CCDC63: variants seen among roughly 807,000 people sequenced by gnomAD.
The protein encoded by CCDC63 is coiled-coil domain containing 63, also known as coiled-coil domain-containing protein 63.
CCDC63 carries 54 observed loss-of-function variants against 63.6 expected under a neutral mutation model. That is an observed-to-expected ratio of 0.85 (90% CI 0.68 to 1.07). The LOEUF (loss-of-function observed/expected upper bound fraction) is 1.07, where lower values mean the gene tolerates loss of function less well. Among genes scored for constraint, CCDC63 ranks in the 50% least tolerant of loss-of-function variants. The pLI is 0.00. For missense variants in CCDC63, 637 were observed against 689.6 expected (o/e 0.92, Z 0.86); for synonymous variants, 253 against 266.1 (o/e 0.95, Z 0.48).
chr12:110,893,135 C>A lies in CCDC63; in HGVS notation c.1134C>A (p.Val378=), dbSNP rs1195273253. Residue 378 remains valine (V), a synonymous_variant, in exon 9 of 12, where the codon GTC becomes GTA. Transcript: ENST00000308208. ...QKLSHDDNHS[V]LRQLEDKLRK... is the part of the protein sequence containing the mutation. ...TGTCCCACGATGACAACCACTCTGT[C>A]CTGAGACAGCTGGAGGTGAGAACAG... The A allele has an allele frequency of 1.9e-6, 3 of 1,613,822 alleles. No homozygotes were observed. In the East Asian group the frequency reaches 6.7e-5, roughly 36 times the overall value.
chr12:110,901,307 T>C (rs2071484395), intron 10 of CCDC63, among the ~76,000 whole-genome samples: 2 of 152,248 alleles, frequency 1.3e-5, no homozygotes, highest in South Asian at 2.1e-4. Flanking sequence ...TTTTAGTTAT[T>C]TTAAAATGTA....
intron 5 of CCDC63, among the ~76,000 whole-genome samples, chr12:110,874,202 G>A (rs1471914201): frequency 6.6e-6 from 1 of 151,734 alleles, no homozygotes; most frequent in Non-Finnish European, 1.5e-5. Context: ...CCTACTCTTA[G>A]TTCTCTGCCT....
At chr12:110,846,412 C>T (rs1471644261), upstream of CCDC63, among the ~76,000 whole-genome samples, 2 of 152,198 alleles carry the variant, frequency 1.3e-5, no homozygotes, top group Non-Finnish European at 1.5e-5. Flanking sequence ...GCCTGGATCA[C>T]ACTTGGGTTC....
At chr12:110,884,295 C>A in intron 8 of CCDC63, 45 bp downstream of exon 8, 1 of 1,524,690 alleles carries the variant, frequency 6.6e-7, no homozygotes, top group South Asian at 1.1e-5. Context: ...CCTGTGTCCA[C>A]AGCAGCCTTT....
chr12:110,905,713 C>T (rs1042735268), intron 11 of CCDC63, among the ~76,000 whole-genome samples: 1 of 149,430 alleles, frequency 6.7e-6, no homozygotes, highest in African/African-American at 2.5e-5. Flanking sequence ...GGAAAACAGT[C>T]AGTTGCACAA....
At chr12:110,853,963 G>A (rs61944266) in intron 3 of CCDC63, among the ~76,000 whole-genome samples, 1,730 of 152,278 alleles carry the variant, frequency 0.011, 15 homozygotes, top group Non-Finnish European at 0.014. Context: ...TTTACCAGCT[G>A]CACAGAGAGA....
chr12:110,866,731 C>T (rs1335585574), intron 4 of CCDC63, among the ~76,000 whole-genome samples: 106 of 149,116 alleles, frequency 7.1e-4, no homozygotes, highest in African/African-American at 2.6e-3. Flanking sequence ...TCTACACAGA[C>T]ACGGCAACCA....
intron 11 of CCDC63, among the ~76,000 whole-genome samples, chr12:110,906,977 A>AC (rs1402826939): frequency 6.6e-6 from 1 of 152,192 alleles, no homozygotes; most frequent in African/African-American, 2.4e-5. Context: ...AATTAGAAAA[A>AC]GTTGCCCCTT....
chr12:110,905,634 G>A (rs1350479572), intron 11 of CCDC63, among the ~76,000 whole-genome samples: 1 of 151,294 alleles, frequency 6.6e-6, no homozygotes, highest in East Asian at 2.0e-4. Context: ...ATTCTAAGCA[G>A]CCCCAAAAAT....
intron 8 of CCDC63, among the ~76,000 whole-genome samples, chr12:110,891,954 G>A (rs879382254): frequency 2.6e-5 from 4 of 152,216 alleles, no homozygotes; most frequent in Non-Finnish European, 4.4e-5. Context: ...AAAGGTGTGA[G>A]CTTTTTTCTA....
intron 8 of CCDC63, among the ~76,000 whole-genome samples, chr12:110,884,563 A>G (rs2071253405): frequency 6.6e-6 from 1 of 151,974 alleles, no homozygotes; most frequent in African/African-American, 2.4e-5. Context: ...TATTTTTTGT[A>G]GAGTTGGGAT....
At chr12:110,906,354 G>A (rs1469937117) in intron 11 of CCDC63, among the ~76,000 whole-genome samples, 2 of 148,034 alleles carry the variant, frequency 1.4e-5, no homozygotes, top group Non-Finnish European at 3.0e-5. Context: ...AGGGAGGGGC[G>A]ATGAGAGAAA....
In CCDC63 at chr12:110,865,552, C is replaced by G. The variant is rs535793330; in HGVS notation, c.369+6777C>G. 9.9e-5 allele frequency among the ~76,000 whole-genome samples: 15 copies of G among 150,764 alleles called. No individual in the cohort carries two copies. In the East Asian group the frequency reaches 3.0e-3, roughly 30 times the overall value. On this transcript the variant is annotated intron_variant, in intron 4 of 11. Coordinates refer to ENST00000308208, the MANE Select transcript of CCDC63 (RefSeq NM_152591.3). ...GAGATTTCATAAAGAAATAAGAGTTCTGGCTTTAGAAACCGAAAGATCTGG... is the reference window on the plus strand; with the variant it reads ...GAGATTTCATAAAGAAATAAGAGTTGTGGCTTTAGAAACCGAAAGATCTGG...
At chr12:110,865,329 A>G (rs896134888) in intron 4 of CCDC63, among the ~76,000 whole-genome samples, 4 of 152,184 alleles carry the variant, frequency 2.6e-5, no homozygotes, top group Admixed American at 2.6e-4. Flanking sequence ...CTAAATGTGG[A>G]TGTAGACCAA....
At chr12:110,886,932 T>G (rs965705092) in intron 8 of CCDC63, among the ~76,000 whole-genome samples, 1 of 152,126 alleles carries the variant, frequency 6.6e-6, no homozygotes, top group Non-Finnish European at 1.5e-5. Context: ...TTGAGGCTGC[T>G]CTCATCCTTT....
chr12:110,852,318 C>T (rs61944265), intron 1 of CCDC63, among the ~76,000 whole-genome samples: 1,737 of 152,132 alleles, frequency 0.011, 15 homozygotes, highest in Non-Finnish European at 0.014. Flanking sequence ...TGCAGTGGCG[C>T]GATCTCGGCT....
intron 1 of CCDC63, among the ~76,000 whole-genome samples, chr12:110,849,226 CA>C (rs1326778621): frequency 6.6e-6 from 1 of 152,202 alleles, no homozygotes; most frequent in African/African-American, 2.4e-5. Flanking sequence ...CTTCAATGAA[CA>C]AAATATTTGG....
chr12:110,890,383 C>G (rs2071341237), intron 8 of CCDC63, among the ~76,000 whole-genome samples: 2 of 152,012 alleles, frequency 1.3e-5, no homozygotes, highest in Non-Finnish European at 2.9e-5. Flanking sequence ...AGAGCTCTTA[C>G]CAAAAACATG....
In CCDC63 at chr12:110,889,697, G is replaced by A. The variant is rs2071332345; in HGVS notation, c.1075-3379G>A. Among the ~76,000 whole-genome samples, 1 of 152,122 alleles carries A rather than the reference G, an allele frequency of 6.6e-6. No individual in the cohort carries two copies. The highest frequency in any genetic ancestry group is 1.5e-5 in the Non-Finnish European group (1 of 68,012). On this transcript the variant is annotated intron_variant, in intron 8 of 11. Transcript: ENST00000308208. The surrounding 1 kb of genome is among the most constrained non-coding windows in gnomAD (Gnocchi z 4.1). ...GAGGCAGGGGCCATGGGAGATCTCC[G>A]AGCAGGGGAGCGGTGCCATCGACTC...
Sources: allele counts gnomAD v4.1 joint callset (sites outside exome capture counted in the v4.1 genomes callset), GRCh38; gene constraint gnomAD v4.1.1; non-coding constraint Gnocchi (gnomAD v3.1); transcripts MANE v1.5; gene names NCBI Gene and HGNC (gene_info 2026-07-23, HGNC 2026-07-21).